The following ACHE variants were observed in gnomAD, a reference collection of about 807,000 sequenced individuals.
The protein encoded by ACHE is acetylcholinesterase.
Under a neutral mutation model 53.9 loss-of-function variants are expected in ACHE, and 19 were observed. The observed-to-expected ratio is 0.35, with a 90% confidence interval of 0.25 to 0.52. The LOEUF (loss-of-function observed/expected upper bound fraction) is 0.52, where lower values mean the gene tolerates loss of function less well. ACHE is among the 20% of genes least tolerant of loss of function. ACHE has a pLI of 0.95. For missense variants in ACHE, 605 were observed against 849.4 expected (o/e 0.71, Z 3.58); for synonymous variants, 392 against 378.1 (o/e 1.04, Z -0.43).
At position 100,890,969 on chromosome 7, in the gene ACHE, G is replaced by A. The variant is rs762929614; in HGVS notation, c.1723+200C>T. On this transcript the variant is annotated intron_variant, in intron 4 of 4. Transcript: ENST00000241069. The stretch of plus-strand genomic sequence containing the variant: ...GGAAGAGGCCGTGTTCACAGCCGCC[G>A]GAGGTGGGAGAGGAAGAGGAGGAGA... 32 of 1,467,302 alleles carry A rather than the reference G, an allele frequency of 2.2e-5. No individual in the cohort carries two copies. In the South Asian group the frequency reaches 3.2e-4, roughly 15 times the overall value. 90.9% of individuals were successfully genotyped at this position (1,467,302 alleles called of 1,614,324 possible).
chr7:100,891,093 G>A (rs1324176522), intron 4 of ACHE, 76 bp downstream of exon 4: 1 of 1,543,908 alleles, frequency 6.5e-7, no homozygotes. Flanking sequence ...CCGAGGCTAG[G>A]GGGAGAAGAG....
At position 100,892,201 on chromosome 7, in the gene ACHE, G is replaced by A; in HGVS notation, c.1553+133C>T. 2 of 1,147,176 alleles carry A rather than the reference G, an allele frequency of 1.7e-6. No homozygotes were observed. The highest frequency in any genetic ancestry group is 2.3e-6 in the Non-Finnish European group (2 of 876,476). The allele number at this position is 1,147,176 out of a possible 1,614,324, so 71.1% of individuals were successfully genotyped here. ...CTCTCCCCTTTTATCTACTTTGTGAGCATATCCCTCTCTGGCTGTTCTATC... is the reference window on the plus strand; with the variant it reads ...CTCTCCCCTTTTATCTACTTTGTGAACATATCCCTCTCTGGCTGTTCTATC... On this transcript the variant is annotated intron_variant, in intron 3 of 4. Coordinates refer to ENST00000241069, the MANE Select transcript of ACHE (RefSeq NM_000665.5). This position sits in a 1 kb window ranked among gnomAD's most constrained non-coding sequence, Gnocchi z 5.2.
chr7:100,892,894 C>G lies in ACHE; in HGVS notation c.1069-76G>C, dbSNP rs17884101. 1,649 of 1,462,644 alleles carry G rather than the reference C, an allele frequency of 1.1e-3. 21 individuals carry two copies. In the African/African-American group the frequency reaches 0.021, roughly 19 times the overall value. The allele number at this position is 1,462,644 out of a possible 1,614,324, so 90.6% of individuals were successfully genotyped here. On this transcript the variant is annotated intron_variant, in intron 2 of 4. Transcript: ENST00000241069. This position sits in a 1 kb window ranked among gnomAD's most constrained non-coding sequence, Gnocchi z 5.2. ...AAGTAGACAGAAACAGATGGACAGA[C>G]AAAGAGCCAGAGAGATGAACAGTTA...
At chr7:100,890,580 G>A (rs1025839474) in intron 4 of ACHE, 3 of 1,390,332 alleles carry the variant, frequency 2.2e-6, no homozygotes, top group African/African-American at 1.5e-5. Context: ...AAGAATGACC[G>A]GAAGACGGGA....
At position 100,892,310 on chromosome 7, in the gene ACHE, C is replaced by T. The variant is rs370969881; in HGVS notation, c.1553+24G>A. On this transcript the variant is annotated intron_variant, in intron 3 of 4. Transcript: ENST00000241069. The surrounding 1 kb of genome is among the most constrained non-coding windows in gnomAD (Gnocchi z 5.2). ...GCCCCCGACTCCTGTCCTCCCCAGCCTTCTCTCCCTCTGCACTGCTGACCC... is the reference window on the plus strand; with the variant it reads ...GCCCCCGACTCCTGTCCTCCCCAGCTTTCTCTCCCTCTGCACTGCTGACCC... The T allele has an allele frequency of 1.1e-4, 161 of 1,489,560 alleles. No homozygotes were observed. The highest frequency in any genetic ancestry group is 1.3e-4 in the Non-Finnish European group (149 of 1,116,280). The allele number at this position is 1,489,560 out of a possible 1,614,324, so 92.3% of individuals were successfully genotyped here. A position where few individuals can be genotyped will look rare whatever the true frequency, so the allele number is the denominator to read the frequency against.
Position 100,892,292 on chromosome 7 carries a change from A to C in ACHE, c.1553+42T>G, listed in dbSNP as rs1790747509. 4 of 1,463,834 alleles carry C rather than the reference A, an allele frequency of 2.7e-6. No homozygotes were observed. Among genetic ancestry groups the C allele is most frequent in the Admixed American group, 2.4e-5 (1 of 41,902 alleles). 90.7% of individuals were successfully genotyped at this position (1,463,834 alleles called of 1,614,324 possible). A position where few individuals can be genotyped will look rare whatever the true frequency, so the allele number is the denominator to read the frequency against. On this transcript the variant is annotated intron_variant, in intron 3 of 4. Transcript: ENST00000241069. The surrounding 1 kb of genome is among the most constrained non-coding windows in gnomAD (Gnocchi z 5.2). ...GCCTTTGTGTGTCCTCCCGCCCCCG[A>C]CTCCTGTCCTCCCCAGCCTTCTCTC... is the stretch of plus-strand genomic sequence containing the variant.
chr7:100,892,879 A>G lies in ACHE; in HGVS notation c.1069-61T>C. 1 of 1,483,200 alleles carries G rather than the reference A, an allele frequency of 6.7e-7. No homozygotes were observed. The highest frequency in any genetic ancestry group is 9.0e-7 in the Non-Finnish European group (1 of 1,116,566). The allele number at this position is 1,483,200 out of a possible 1,614,324, so 91.9% of individuals were successfully genotyped here. A position where few individuals can be genotyped will look rare whatever the true frequency, so the allele number is the denominator to read the frequency against. On this transcript the variant is annotated intron_variant, in intron 2 of 4. Coordinates refer to ENST00000241069, the MANE Select transcript of ACHE (RefSeq NM_000665.5). The surrounding 1 kb of genome is among the most constrained non-coding windows in gnomAD (Gnocchi z 5.2). Reference sequence around the variant, plus strand: ...CAGGCACAGACAGACAAGTAGACAGAAACAGATGGACAGACAAAGAGCCAG... The same window carrying G: ...CAGGCACAGACAGACAAGTAGACAGGAACAGATGGACAGACAAAGAGCCAG...
rs1790675211 is a variant in ACHE, at chr7:100,891,277, G to C, written c.1615C>G (p.Gln539Glu). 6.2e-7 allele frequency: 1 copy of C among 1,608,290 alleles called. No homozygotes were observed. Among genetic ancestry groups the C allele is most frequent in the Non-Finnish European group, 8.5e-7 (1 of 1,178,528 alleles). Residue 539 changes from glutamine (Q) to glutamate (E), a missense_variant, in exon 4 of 5, where the codon CAG becomes GAG. Physicochemically the swap from Gln to Glu is conservative, Grantham distance 29. Coordinates refer to ENST00000241069, the MANE Select transcript of ACHE (RefSeq NM_000665.5). ...PQWPPYTAGAQQYVSLDLRPL... is the reference protein window; with the variant it reads ...PQWPPYTAGAEQYVSLDLRPL... ...CGCAGGTCCAGACTAACGTACTGCT[G>C]AGCCCCCGCCGTGTACGGGGGCCAT...
chr7:100,894,550 G>A (rs1790924803), intron 1 of ACHE, among the ~76,000 whole-genome samples: 1 of 152,148 alleles, frequency 6.6e-6, no homozygotes, highest in Non-Finnish European at 1.5e-5. Flanking sequence ...TCCCGGAACT[G>A]GGCCGGGCCC....
At chr7:100,890,999 G>C (rs1373127444) in intron 4 of ACHE, 170 bp downstream of exon 4, 2 of 1,459,358 alleles carry the variant, frequency 1.4e-6, no homozygotes, top group African/African-American at 2.8e-5. Flanking sequence ...AGGAGAAGCT[G>C]GTGGAGGAGG....
intron 2 of ACHE, 48 bp downstream of exon 2, chr7:100,893,117 C>A (rs374498030): frequency 1.3e-6 from 2 of 1,577,066 alleles, no homozygotes; most frequent in Admixed American, 1.8e-5. Flanking sequence ...GGGGAGGGAC[C>A]GTTGGGACCC....
chr7:100,890,761 A>G (rs1790627785), intron 4 of ACHE: 1 of 1,340,626 alleles, frequency 7.5e-7, no homozygotes, highest in Non-Finnish European at 9.6e-7. Context: ...TTCCATTTCC[A>G]TTCAAACAAC....
chr7:100,894,086 C>A lies in ACHE; in HGVS notation c.147G>T (p.Arg49=). Residue 49 remains arginine (R), a synonymous_variant, in exon 2 of 5, where the codon CGG becomes CGT. Coordinates refer to ENST00000241069, the MANE Select transcript of ACHE (RefSeq NM_000665.5). ...LLVTVRGGRL[R]GIRLKTPGGP... ...CCCCGGGGGTCTTCAGGCGAATGCC[C>A]CGCAGCCGGCCCCCACGCACCGTCA... 1 of 1,532,136 alleles carries A rather than the reference C, an allele frequency of 6.5e-7. No homozygotes were observed. 94.9% of individuals were successfully genotyped at this position (1,532,136 alleles called of 1,614,324 possible). A position where few individuals can be genotyped will look rare whatever the true frequency, so the allele number is the denominator to read the frequency against.
chr7:100,892,555 C>T lies in ACHE; in HGVS notation c.1332G>A (p.Gln444=), dbSNP rs750130512. Residue 444 remains glutamine, a synonymous_variant, in exon 3 of 5, where the codon CAG becomes CAA. Coordinates refer to ENST00000241069, the MANE Select transcript of ACHE (RefSeq NM_000665.5). This position sits in a 1 kb window ranked among gnomAD's most constrained non-coding sequence, Gnocchi z 5.2. ...CCTGGGCAGCCAGTCGCCCAGCCAGCTGGGCCACGGGGCACACGACATTGT... is the reference window on the plus strand; with the variant it reads ...CCTGGGCAGCCAGTCGCCCAGCCAGTTGGGCCACGGGGCACACGACATTGT... ...GDHNVVCPVA[Q]LAGRLAAQGA... The T allele has an allele frequency of 3.7e-6, 6 of 1,612,192 alleles. No homozygotes were observed. The highest frequency in any genetic ancestry group is 3.4e-6 in the Non-Finnish European group (4 of 1,178,982).
At chr7:100,896,588 G>C (rs1369441372), upstream of ACHE, 3 of 266,462 alleles carry the variant, frequency 1.1e-5, no homozygotes, top group Non-Finnish European at 2.4e-5. Flanking sequence ...CACGCGCAAG[G>C]CTGCTGGGCG....
chr7:100,890,452 T>C, intron 4 of ACHE, 117 bp from the exon 5 acceptor site: 1 of 1,475,530 alleles, frequency 6.8e-7, no homozygotes, highest in East Asian at 2.5e-5. Flanking sequence ...CACGGAGAAA[T>C]GCAGGCGACC....
chr7:100,891,144 C>T, intron 4 of ACHE, 25 bp downstream of exon 4: 1 of 1,581,208 alleles, frequency 6.3e-7, no homozygotes, highest in Non-Finnish European at 8.6e-7. Flanking sequence ...CTCCTCCCAG[C>T]CGCTGCCCGC....
chr7:100,893,774 G>A lies in ACHE; in HGVS notation c.459C>T (p.Gly153=). The change falls in exon 2 of 5, where the codon GGC becomes GGT. Residue 153 remains glycine (G), a synonymous_variant. Coordinates refer to ENST00000241069, the MANE Select transcript of ACHE (RefSeq NM_000665.5). The part of the protein sequence containing the change: ...TPVLVWIYGG[G]FYSGASSLDV... ...CCAAGGAGGAGGCCCCACTGTAGAA[G>A]CCACCCCCATAGATCCAGACGAGGA... The A allele has an allele frequency of 2.5e-6, 4 of 1,613,822 alleles. No individual in the cohort carries two copies. Among genetic ancestry groups the A allele is most frequent in the Non-Finnish European group, 2.5e-6 (3 of 1,180,026 alleles).
Position 100,892,270 on chromosome 7 carries a change from T to C in ACHE, c.1553+64A>G. 4 of 1,466,848 alleles carry C rather than the reference T, an allele frequency of 2.7e-6. No homozygotes were observed. The highest frequency in any genetic ancestry group is 3.6e-6 in the Non-Finnish European group (4 of 1,105,000). The allele number at this position is 1,466,848 out of a possible 1,614,324, so 90.9% of individuals were successfully genotyped here. ...TCCTTTCTGTCTCCGTGTGTCTGCCTTTGTGTGTCCTCCCGCCCCCGACTC... is the reference window on the plus strand; with the variant it reads ...TCCTTTCTGTCTCCGTGTGTCTGCCCTTGTGTGTCCTCCCGCCCCCGACTC... On this transcript the variant is annotated intron_variant, in intron 3 of 4. Coordinates refer to ENST00000241069, the MANE Select transcript of ACHE (RefSeq NM_000665.5). The surrounding 1 kb of genome is among the most constrained non-coding windows in gnomAD (Gnocchi z 5.2).
Sources: gnomAD v4.1 joint callset for allele counts (sites outside exome capture counted in the v4.1 genomes callset) on GRCh38, gnomAD v4.1.1 for gene constraint, Gnocchi (gnomAD v3.1) non-coding constraint, MANE v1.5 for transcripts, NCBI Gene and HGNC (gene_info 2026-07-23, HGNC 2026-07-21) for gene names.